Variants in BACH2 observed in about 807,000 individuals in gnomAD.
BACH2 encodes BACH transcriptional regulator 2, also known as transcription regulator protein BACH2.
Under a neutral mutation model 61.8 loss-of-function variants are expected in BACH2, and 5 were observed. The observed-to-expected ratio is 0.08, with a 90% CI of 0.04 to 0.17. The LOEUF (loss-of-function observed/expected upper bound fraction) is 0.17. Ranked by LOEUF, BACH2 falls within the 10% of genes least tolerant of loss-of-function variation. BACH2 has a pLI of 1.00. For synonymous variants in BACH2, 446 were observed against 440.1 expected (o/e 1.01, Z -0.17); for missense variants, 824 against 1,091.1 (o/e 0.76, Z 3.45).
At chr6:90,052,744 T>C (rs1239684942) in intron 5 of BACH2, among the ~76,000 whole-genome samples, 5 of 152,226 alleles carry the variant, frequency 3.3e-5, no homozygotes, top group African/African-American at 4.8e-5. Context: ...TTGACTGATA[T>C]CAACAAAGCT....
intron 4 of BACH2, among the ~76,000 whole-genome samples, chr6:90,104,912 T>C (rs975253500): frequency 2.6e-5 from 4 of 152,170 alleles, no homozygotes; most frequent in African/African-American, 7.2e-5. Flanking sequence ...TTTGGAACTC[T>C]AAGGAGACCG....
At chr6:90,147,060 A>G (rs1197333067) in intron 4 of BACH2, among the ~76,000 whole-genome samples, 4 of 152,216 alleles carry the variant, frequency 2.6e-5, no homozygotes, top group Non-Finnish European at 5.9e-5. Flanking sequence ...TGGCAGAAAC[A>G]GTAAGTACCA....
intron 5 of BACH2, among the ~76,000 whole-genome samples, chr6:90,052,065 C>G (rs758888165): frequency 1.3e-4 from 20 of 152,104 alleles, no homozygotes; most frequent in Admixed American, 4.6e-4. Flanking sequence ...GGTCATTATA[C>G]TGATTCTTGG....
intron 3 of BACH2, among the ~76,000 whole-genome samples, chr6:90,221,137 C>T (rs1769720708): frequency 6.6e-6 from 1 of 152,178 alleles, no homozygotes; most frequent in Admixed American, 6.5e-5. Flanking sequence ...CAAACTTGTT[C>T]TGAAGTGAAA....
intron 3 of BACH2, among the ~76,000 whole-genome samples, chr6:90,235,113 G>A (rs1323003844): frequency 2.0e-5 from 3 of 151,932 alleles, no homozygotes; most frequent in Admixed American, 6.6e-5. Context: ...ACCTTTTTTC[G>A]GCTGCAAGCA....
chr6:89,950,059 G>A lies in BACH2; in HGVS notation c.1836+211C>T. On this transcript the variant is annotated intron_variant, in intron 7 of 8. Transcript: ENST00000257749. This position sits in a 1 kb window ranked among gnomAD's most constrained non-coding sequence, Gnocchi z 5.3. ...TCTGCTTGTCGAGTATTGAGATCCA[G>A]ATCAAATATCAAGTGCTTTTCTAGG... The A allele has an allele frequency of 1.6e-6, 1 of 623,720 alleles. No individual in the cohort carries two copies. Among genetic ancestry groups the A allele is most frequent in the East Asian group, 2.8e-5 (1 of 35,618 alleles). The allele number at this position is 623,720 out of a possible 1,614,324, so 38.6% of individuals were successfully genotyped here.
chr6:89,953,527 G>C (rs988866286), intron 6 of BACH2, among the ~76,000 whole-genome samples: 6 of 152,200 alleles, frequency 3.9e-5, no homozygotes, highest in Middle Eastern at 3.4e-3. Flanking sequence ...ATTCTATATG[G>C]GCAATCAGTG....
At chr6:90,170,088 A>C (rs962174494) in intron 4 of BACH2, among the ~76,000 whole-genome samples, 1 of 151,984 alleles carries the variant, frequency 6.6e-6, no homozygotes, top group Non-Finnish European at 1.5e-5. Context: ...TTTTTTTCTA[A>C]TTTAGAAACT....
chr6:90,214,751 CTTTTTTTTTTTT>C (rs563651580), intron 3 of BACH2, among the ~76,000 whole-genome samples: 5 of 94,280 alleles, frequency 5.3e-5, no homozygotes, highest in Non-Finnish European at 8.2e-5. Context: ...GATTCTGTTC[CTTTTTTTTTTTT>C]TTTTTTTTTT....
chr6:90,005,915 T>C (rs1777380217), intron 6 of BACH2, among the ~76,000 whole-genome samples: 1 of 152,038 alleles, frequency 6.6e-6, no homozygotes, highest in African/African-American at 2.4e-5. Flanking sequence ...AGAAAGAAAA[T>C]CAACACACAG....
At chr6:90,228,139 A>C (rs1443125155) in intron 3 of BACH2, among the ~76,000 whole-genome samples, 1 of 152,270 alleles carries the variant, frequency 6.6e-6, no homozygotes. Context: ...GCTTTAATAT[A>C]CTTTTATAAT....
intron 8 of BACH2, among the ~76,000 whole-genome samples, chr6:89,936,354 C>CTAG (rs1484003407): frequency 6.6e-6 from 1 of 152,154 alleles, no homozygotes; most frequent in Non-Finnish European, 1.5e-5. Context: ...ATTGCCCAGG[C>CTAG]TAGTCTCAAA....
intron 4 of BACH2, among the ~76,000 whole-genome samples, chr6:90,102,836 T>TAATAATAAA (rs1782714622): frequency 9.4e-6 from 1 of 106,844 alleles, no homozygotes; most frequent in Non-Finnish European, 2.1e-5. Flanking sequence ...ATAATAATAA[T>TAATAATAAA]AATAAAAATA....
intron 2 of BACH2, among the ~76,000 whole-genome samples, chr6:90,258,776 T>C (rs376669816): frequency 2.6e-5 from 4 of 152,324 alleles, no homozygotes; most frequent in South Asian, 2.1e-4. Context: ...ATCTTTCACA[T>C]TGGTTGAATT....
intron 2 of BACH2, among the ~76,000 whole-genome samples, chr6:90,254,188 T>C (rs1345020801): frequency 6.6e-6 from 1 of 151,006 alleles, no homozygotes; most frequent in Admixed American, 6.6e-5. Context: ...CAATAGACTA[T>C]CATCTCAATA....
At chr6:90,248,774 C>T (rs1218332832) in intron 3 of BACH2, among the ~76,000 whole-genome samples, 1 of 152,164 alleles carries the variant, frequency 6.6e-6, no homozygotes, top group Non-Finnish European at 1.5e-5. Context: ...CAGACTCCCA[C>T]CAACTCCGGG....
intron 3 of BACH2, among the ~76,000 whole-genome samples, chr6:90,211,629 T>C (rs926998482): frequency 4.5e-4 from 64 of 143,648 alleles, no homozygotes; most frequent in African/African-American, 1.6e-3. Context: ...TGTGTGTGTG[T>C]GTGCTCTCCT....
intron 4 of BACH2, among the ~76,000 whole-genome samples, chr6:90,147,771 A>G (rs1172034291): frequency 1.3e-5 from 2 of 152,218 alleles, no homozygotes; most frequent in Non-Finnish European, 2.9e-5. Flanking sequence ...TCACAAGTGC[A>G]CAGCTTTTCA....
chr6:90,028,535 C>T (rs1168702235), intron 5 of BACH2, among the ~76,000 whole-genome samples: 1 of 152,202 alleles, frequency 6.6e-6, no homozygotes, highest in Non-Finnish European at 1.5e-5. Context: ...ACAGGTCAGG[C>T]TCTGGGGCCA....
Sources: gnomAD v4.1 joint callset for allele counts (sites outside exome capture counted in the v4.1 genomes callset) on GRCh38, gnomAD v4.1.1 for gene constraint, Gnocchi (gnomAD v3.1) non-coding constraint, MANE v1.5 for transcripts, NCBI Gene and HGNC (gene_info 2026-07-23, HGNC 2026-07-21) for gene names.